The following CCNY variants were observed in gnomAD, a reference collection of about 807,000 sequenced individuals.
The protein encoded by CCNY is cyclin Y, also known as cyclin-Y.
CCNY carries 19 observed loss-of-function variants against 42.8 expected under a neutral mutation model. That is an observed-to-expected ratio of 0.44 (90% CI 0.31 to 0.65). The LOEUF (loss-of-function observed/expected upper bound fraction) is 0.65. Ranked by LOEUF, CCNY falls within the 30% of genes least tolerant of loss-of-function variation. The probability of loss-of-function intolerance (pLI) is 0.07; values close to 1 mark genes in which losing one functional copy is unlikely to be tolerated. For missense variants in CCNY, 370 were observed against 437.3 expected (o/e 0.85, Z 1.37); for synonymous variants, 165 against 162.7 (o/e 1.01, Z -0.11).
chr10:35,345,954 A>T (rs1371634805), intron 1 of CCNY, among the ~76,000 whole-genome samples: 1 of 152,180 alleles, frequency 6.6e-6, no homozygotes, highest in Non-Finnish European at 1.5e-5. Context: ...GGGTAATGGA[A>T]CCCACCCAGG....
chr10:35,433,240 C>A (rs570838855), intron 1 of CCNY, among the ~76,000 whole-genome samples: 1 of 152,236 alleles, frequency 6.6e-6, no homozygotes, highest in African/African-American at 2.4e-5. Flanking sequence ...CATTGATTAT[C>A]TCCCTCCTCC....
chr10:35,563,501 A>T (rs1046864195), intron 8 of CCNY, among the ~76,000 whole-genome samples: 3 of 152,156 alleles, frequency 2.0e-5, no homozygotes, highest in African/African-American at 7.2e-5. Flanking sequence ...CGGTGTGTCC[A>T]TGGCAGCTCC....
intron 1 of CCNY, among the ~76,000 whole-genome samples, chr10:35,376,739 C>G (rs1161159527): frequency 1.3e-5 from 2 of 152,160 alleles, no homozygotes; most frequent in Admixed American, 6.5e-5. Context: ...GTAATGATAC[C>G]TGATACAACA....
At chr10:35,466,875 C>T (rs985903641) in intron 1 of CCNY, among the ~76,000 whole-genome samples, 4 of 152,350 alleles carry the variant, frequency 2.6e-5, no homozygotes, top group African/African-American at 9.6e-5. Flanking sequence ...TGGGGTCAAG[C>T]GATCCTCCTG....
At chr10:35,492,759 G>A (rs972674421) in intron 2 of CCNY, among the ~76,000 whole-genome samples, 3 of 152,240 alleles carry the variant, frequency 2.0e-5, no homozygotes, top group African/African-American at 7.2e-5. Flanking sequence ...TGGCACGGTG[G>A]CAGTCTTCCC....
chr10:35,361,474 T>A (rs1231794302), intron 1 of CCNY, among the ~76,000 whole-genome samples: 1 of 152,220 alleles, frequency 6.6e-6, no homozygotes, highest in East Asian at 1.9e-4. Flanking sequence ...TTTCTTTTAA[T>A]TTTTTAAAAA....
chr10:35,547,157 A>T (rs528562295), intron 7 of CCNY, among the ~76,000 whole-genome samples: 7 of 152,152 alleles, frequency 4.6e-5, no homozygotes, highest in Non-Finnish European at 8.8e-5. Context: ...CTAGAATTCC[A>T]CTGAGCCTCA....
intron 1 of CCNY, among the ~76,000 whole-genome samples, chr10:35,372,164 A>C (rs540018997): frequency 1.3e-5 from 2 of 152,284 alleles, no homozygotes; most frequent in Admixed American, 1.3e-4. Context: ...TAATGAAAGG[A>C]GTCACTCTGG....
chr10:35,381,600 A>C (rs1265782668), intron 1 of CCNY, among the ~76,000 whole-genome samples: 1 of 151,942 alleles, frequency 6.6e-6, no homozygotes, highest in Non-Finnish European at 1.5e-5. Context: ...TGTATGCAAC[A>C]TGGAGGTTAA....
intron 3 of CCNY, among the ~76,000 whole-genome samples, chr10:35,254,173 G>A (rs1011563766): frequency 3.9e-5 from 6 of 152,052 alleles, no homozygotes; most frequent in East Asian, 1.9e-4. Context: ...CACCGCGCCC[G>A]GCCTTGAGTG....
chr10:35,421,339 G>T (rs1389523100), intron 1 of CCNY, among the ~76,000 whole-genome samples: 1 of 152,164 alleles, frequency 6.6e-6, no homozygotes, highest in East Asian at 1.9e-4. Flanking sequence ...TTTATCATGG[G>T]TGCTTGGCAC....
chr10:35,496,117 T>A (rs1370807056), intron 2 of CCNY, among the ~76,000 whole-genome samples: 1 of 152,274 alleles, frequency 6.6e-6, no homozygotes, highest in East Asian at 1.9e-4. Context: ...CAGCTTCGTA[T>A]ATCCAAACAA....
intron 1 of CCNY, among the ~76,000 whole-genome samples, chr10:35,374,991 T>G (rs962789392): frequency 6.6e-6 from 1 of 151,940 alleles, no homozygotes; most frequent in South Asian, 2.1e-4. Context: ...GGGAAAAGAG[T>G]GTGGCCAGGT....
In CCNY at chr10:35,530,659, T is replaced by C. The variant is rs2135423842; in HGVS notation, c.579+416T>C. Among the ~76,000 whole-genome samples the C allele has an allele frequency of 6.6e-6, 1 of 152,238 alleles. No individual in the cohort carries two copies. Among genetic ancestry groups the C allele is most frequent in the East Asian group, 1.9e-4 (1 of 5,202 alleles). On this transcript the variant is annotated intron_variant, in intron 7 of 9. Transcript: ENST00000374704. The surrounding 1 kb of genome is among the most constrained non-coding windows in gnomAD (Gnocchi z 4.3). ...CATTCATCTTATATGAACACTTGTC[T>C]AGGAAGGAGTGTGTATATTCCTAGC...
chr10:35,367,923 A>G (rs991026715), intron 1 of CCNY, among the ~76,000 whole-genome samples: 1 of 152,218 alleles, frequency 6.6e-6, no homozygotes, highest in Admixed American at 6.5e-5. Flanking sequence ...CCCCTCTCCC[A>G]CACCTCTTTA....
At chr10:35,254,159 G>A (rs997632843) in intron 3 of CCNY, among the ~76,000 whole-genome samples, 1 of 152,178 alleles carries the variant, frequency 6.6e-6, no homozygotes, top group African/African-American at 2.4e-5. Context: ...TTACAGGCAT[G>A]AGCCACCGCG....
At chr10:35,548,531 T>C (rs767640511) in intron 7 of CCNY, among the ~76,000 whole-genome samples, 47 of 151,958 alleles carry the variant, frequency 3.1e-4, no homozygotes, top group Admixed American at 3.1e-3. Flanking sequence ...CTCCTGACCT[T>C]GTGATCTGCC....
intron 3 of CCNY, among the ~76,000 whole-genome samples, chr10:35,263,221 G>A (rs1209955055): frequency 1.3e-5 from 2 of 152,038 alleles, no homozygotes; most frequent in East Asian, 3.9e-4. Context: ...GCCAGGCGTG[G>A]TGGCGGGCTC....
chr10:35,502,350 G>A (rs991384353), intron 3 of CCNY, among the ~76,000 whole-genome samples: 4 of 152,144 alleles, frequency 2.6e-5, no homozygotes, highest in Non-Finnish European at 5.9e-5. Context: ...AACCACACAA[G>A]GGTCTTTCTC....
Sources: gnomAD v4.1 joint callset for allele counts (sites outside exome capture counted in the v4.1 genomes callset) on GRCh38, gnomAD v4.1.1 for gene constraint, Gnocchi (gnomAD v3.1) non-coding constraint, MANE v1.5 for transcripts, NCBI Gene and HGNC (gene_info 2026-07-23, HGNC 2026-07-21) for gene names.